The following GZF1 variants were observed in gnomAD, a reference collection of about 807,000 sequenced individuals.
The protein encoded by GZF1 is GDNF-inducible zinc finger protein 1.
GZF1 carries 28 observed loss-of-function variants against 49.4 expected under a neutral mutation model. The observed-to-expected ratio is 0.57, with a 90% CI of 0.42 to 0.78. The LOEUF is 0.78. GZF1 is among the 30% of genes least tolerant of loss of function. The probability of loss-of-function intolerance (pLI) is 0.00; values close to 1 mark genes in which losing one functional copy is unlikely to be tolerated. For missense variants in GZF1, 798 were observed against 916.2 expected, an observed-to-expected ratio of 0.87 and a Z score of 1.67; for synonymous variants, 364 against 356.0, an observed-to-expected ratio of 1.02 and a Z score of -0.25.
At chr20:23,366,746 G>A (rs1263316106) in intron 2 of GZF1, among the ~76,000 whole-genome samples, 1 of 152,176 alleles carries the variant, frequency 6.6e-6, no homozygotes, top group East Asian at 1.9e-4. Flanking sequence ...ATGCCTTATA[G>A]CATCAGCAGT....
intron 3 of GZF1, among the ~76,000 whole-genome samples, chr20:23,368,184 T>A (rs114457891): frequency 6.6e-6 from 1 of 151,780 alleles, no homozygotes; most frequent in African/African-American, 2.4e-5. Flanking sequence ...TTTGATAATA[T>A]TAACATGGTA....
intron 2 of GZF1, 63 bp downstream of exon 2, chr20:23,365,810 C>G (rs1267172265): frequency 6.9e-7 from 1 of 1,444,066 alleles, no homozygotes; most frequent in Non-Finnish European, 9.1e-7. Flanking sequence ...GCACTGAGGT[C>G]GTCCTGGGAT....
chr20:23,368,745 T>G lies in GZF1; in HGVS notation c.1460-17T>G. 1 of 1,592,904 alleles carries G rather than the reference T, an allele frequency of 6.3e-7. No homozygotes were observed. Among genetic ancestry groups the G allele is most frequent in the Non-Finnish European group, 8.6e-7 (1 of 1,168,454 alleles). Reference sequence around the variant, plus strand: ...ATGCCTGTATTGTTTATGACTTTATTTCATTTTCTCATGTAGGTGAAAGAC... The same window carrying G: ...ATGCCTGTATTGTTTATGACTTTATGTCATTTTCTCATGTAGGTGAAAGAC... On this transcript the variant is annotated splice_polypyrimidine_tract_variant and intron_variant, in intron 3 of 5. Coordinates refer to ENST00000338121, the MANE Select transcript of GZF1 (RefSeq NM_022482.5).
In GZF1 at chr20:23,365,529, C is replaced by T. The variant is rs541785465; in HGVS notation, c.1146C>T (p.Cys382=). 5.0e-6 allele frequency: 8 copies of T among 1,613,442 alleles called. No homozygotes were observed. The East Asian group carries it at 1.8e-4, about 36-fold the overall frequency. ...AGCGCCATTTCCCATGCGAGCTGTG[C>T]GGGAAGAAGTTCAAGCGCAAGAAGG... ...SSERHFPCEL[C]GKKFKRKKDV... is the part of the protein sequence containing the mutation. Residue 382 remains cysteine (C), a synonymous_variant, in exon 2 of 6, where the codon TGC becomes TGT. Transcript: ENST00000338121.
rs1469455444 is a variant in GZF1 at position 23,366,042 on chromosome 20, C to T, written c.1364+295C>T. 5.3e-5 allele frequency among the ~76,000 whole-genome samples: 8 copies of T among 152,334 alleles called. No individual in the cohort carries two copies. In the East Asian group the frequency reaches 1.5e-3, roughly 29 times the overall value. Reference sequence around the variant, plus strand: ...TGGAGGAAGAGTTGGGCCTCGTTACCTTTATTTCTCCTTTCCTGACTCTTC... The same window carrying T: ...TGGAGGAAGAGTTGGGCCTCGTTACTTTTATTTCTCCTTTCCTGACTCTTC... On this transcript the variant is annotated intron_variant, in intron 2 of 5. Coordinates refer to ENST00000338121, the MANE Select transcript of GZF1 (RefSeq NM_022482.5).
At chr20:23,361,640 C>A (rs534868252), upstream of GZF1, among the ~76,000 whole-genome samples, 1 of 152,200 alleles carries the variant, frequency 6.6e-6, no homozygotes, top group Non-Finnish European at 1.5e-5. Flanking sequence ...CCCGTGGAGG[C>A]ATCTGCGCCC....
Position 23,370,495 on chromosome 20 carries a change from A to G in GZF1, c.*54A>G. Reference sequence around the variant, plus strand: ...TCTGCGTGTGTGGTAGCTGAACTCAAGATGATGTGGGGCTAAGAAAAATAA... The same window carrying G: ...TCTGCGTGTGTGGTAGCTGAACTCAGGATGATGTGGGGCTAAGAAAAATAA... On this transcript the variant is annotated 3_prime_UTR_variant, in exon 6 of 6. Transcript: ENST00000338121. The G allele has an allele frequency of 1.7e-6, 2 of 1,150,834 alleles. No individual in the cohort carries two copies. The highest frequency in any genetic ancestry group is 2.6e-6 in the Non-Finnish European group (2 of 775,250). The allele number at this position is 1,150,834 out of a possible 1,614,324, so 71.3% of individuals were successfully genotyped here.
chr20:23,366,944 T>C (rs1981466805), intron 2 of GZF1, 59 bp from the exon 3 acceptor site: 1 of 1,182,314 alleles, frequency 8.5e-7, no homozygotes, highest in African/African-American at 1.5e-5. Flanking sequence ...GTGGAAATTG[T>C]ATTGCAAAGT....
At chr20:23,366,402 G>A (rs1403723860) in intron 2 of GZF1, among the ~76,000 whole-genome samples, 3 of 152,128 alleles carry the variant, frequency 2.0e-5, no homozygotes, top group African/African-American at 7.2e-5. Context: ...GCAGCATGGT[G>A]TTCATTTTTT....
In GZF1 at chr20:23,372,915, A is replaced by G. The variant is rs569001830; in HGVS notation, c.*2474A>G. On this transcript the variant is annotated 3_prime_UTR_variant, in exon 6 of 6. Coordinates refer to ENST00000338121, the MANE Select transcript of GZF1 (RefSeq NM_022482.5). ...TGCTGTCGTTTGGAAAAAATGGGCC[A>G]TGTGGTGGAGACCTTTATTTAAGGT... 2 of 152,340 alleles carry G rather than the reference A, an allele frequency of 1.3e-5. No homozygotes were observed. Among genetic ancestry groups the G allele is most frequent in the African/African-American group, 4.8e-5 (2 of 41,580 alleles). The allele number at this position is 152,340 out of a possible 1,614,324, so 9.4% of individuals were successfully genotyped here.
rs147510696 is a variant in GZF1, at chr20:23,372,214, C to T, written c.*1773C>T. The stretch of plus-strand genomic sequence containing the variant: ...TGAATTTGTTTCCTTAGAAATTCTA[C>T]AAAAAAATGTTGTTAATAAATGTCT... On this transcript the variant is annotated 3_prime_UTR_variant, in exon 6 of 6. Transcript: ENST00000338121. 15 of 152,488 alleles carry T rather than the reference C, an allele frequency of 9.8e-5. No individual in the cohort carries two copies. Among genetic ancestry groups the T allele is most frequent in the African/African-American group, 3.6e-4 (15 of 41,496 alleles). 9.4% of individuals were successfully genotyped at this position (152,488 alleles called of 1,614,324 possible).
At position 23,371,250 on chromosome 20, in the gene GZF1, G is replaced by C. The variant is rs1238560421; in HGVS notation, c.*809G>C. On this transcript the variant is annotated 3_prime_UTR_variant, in exon 6 of 6. Coordinates refer to ENST00000338121, the MANE Select transcript of GZF1 (RefSeq NM_022482.5). ...TTTTTGCAGAGGCATGAAAAATTAA[G>C]ACGCTTTAGAGTACTTGAAAGTTGT... 6.6e-6 allele frequency: 1 copy of C among 152,646 alleles called. No individual in the cohort carries two copies. Among genetic ancestry groups the C allele is most frequent in the Non-Finnish European group, 1.5e-5 (1 of 68,040 alleles). 9.5% of individuals were successfully genotyped at this position (152,646 alleles called of 1,614,324 possible).
intron 3 of GZF1, among the ~76,000 whole-genome samples, chr20:23,368,304 A>AAAC (rs1981647219): frequency 6.6e-6 from 1 of 152,222 alleles, no homozygotes; most frequent in African/African-American, 2.4e-5. Context: ...GAGATATTTA[A>AAAC]AACTCTTGTC....
In GZF1 at chr20:23,371,525, G is replaced by A. The variant is rs1248251059; in HGVS notation, c.*1084G>A. The A allele has an allele frequency of 6.6e-6, 1 of 152,636 alleles. No homozygotes were observed. Among genetic ancestry groups the A allele is most frequent in the Non-Finnish European group, 1.5e-5 (1 of 68,036 alleles). 9.5% of individuals were successfully genotyped at this position (152,636 alleles called of 1,614,324 possible). On this transcript the variant is annotated 3_prime_UTR_variant, in exon 6 of 6. Coordinates refer to ENST00000338121, the MANE Select transcript of GZF1 (RefSeq NM_022482.5). ...CCGATTATGCCTTAAAGAGTTGATT[G>A]TGAAGAACCAGTAACTTTGTCCCAA...
intron 1 of GZF1, among the ~76,000 whole-genome samples, chr20:23,363,513 T>C (rs905981605): frequency 1.3e-5 from 2 of 152,082 alleles, no homozygotes; most frequent in African/African-American, 4.8e-5. Context: ...AAGAGTGTGT[T>C]GAGTAGTCTG....
intron 1 of GZF1, 114 bp downstream of exon 1, chr20:23,362,351 G>T (rs1980764365): frequency 6.6e-6 from 1 of 152,254 alleles, no homozygotes; most frequent in South Asian, 2.1e-4. Context: ...GCGGGAGCGG[G>T]GGCAGGGGGC....
chr20:23,364,974 A>T lies in GZF1; in HGVS notation c.591A>T (p.Pro197=). 1 of 1,614,232 alleles carries T rather than the reference A, an allele frequency of 6.2e-7. No homozygotes were observed. The highest frequency in any genetic ancestry group is 8.5e-7 in the Non-Finnish European group (1 of 1,180,052). The part of the protein sequence containing the change: ...RASNGMSSDL[P]PKKSKDKLDK... ...GCAATGGCATGTCTTCAGATTTGCC[A>T]CCGAAGAAGTCCAAGGACAAACTAG... Residue 197 remains proline, a synonymous_variant, in exon 2 of 6, where the codon CCA becomes CCT. Transcript: ENST00000338121.
chr20:23,361,656 A>G (rs1295171144), upstream of GZF1, among the ~76,000 whole-genome samples: 4 of 152,126 alleles, frequency 2.6e-5, no homozygotes. Context: ...CGCCCCTAGT[A>G]GCCAAGGTGA....
intron 3 of GZF1, among the ~76,000 whole-genome samples, chr20:23,367,989 T>C (rs577959008): frequency 2.0e-5 from 3 of 152,338 alleles, no homozygotes; most frequent in South Asian, 2.1e-4. Flanking sequence ...TCTGTGTGAT[T>C]AGACACCAGT....
Sources: allele counts gnomAD v4.1 joint callset (sites outside exome capture counted in the v4.1 genomes callset), GRCh38; gene constraint gnomAD v4.1.1; transcripts MANE v1.5; gene names NCBI Gene and HGNC (gene_info 2026-07-23, HGNC 2026-07-21).